Variants in TRHDE observed in about 807,000 individuals in gnomAD.
The protein encoded by TRHDE is thyrotropin-releasing hormone-degrading ectoenzyme.
A neutral mutation model predicts 125.7 loss-of-function variants in TRHDE; 72 were observed. The observed-to-expected ratio is 0.57, with a 90% CI of 0.47 to 0.70. TRHDE has a LOEUF of 0.70. TRHDE is among the 30% of genes least tolerant of loss of function. The probability of loss-of-function intolerance (pLI) is 0.00; values close to 1 mark genes in which losing one functional copy is unlikely to be tolerated. For missense variants in TRHDE, 1,110 were observed against 1,327.1 expected, an observed-to-expected ratio of 0.84 and a Z score of 2.54; for synonymous variants, 509 against 509.1, an observed-to-expected ratio of 1.00 and a Z score of 0.00.
intron 6 of TRHDE, among the ~76,000 whole-genome samples, chr12:72,526,306 A>G (rs1383279444): frequency 6.6e-6 from 1 of 152,102 alleles, no homozygotes; most frequent in East Asian, 1.9e-4. Flanking sequence ...ATTTCTTTAC[A>G]CATTTTTCAG....
intron 12 of TRHDE, among the ~76,000 whole-genome samples, chr12:72,604,946 G>A (rs553270176): frequency 1.5e-4 from 23 of 151,944 alleles, no homozygotes; most frequent in African/African-American, 2.9e-4. Flanking sequence ...CTTTTTCTAC[G>A]TTTTATTTGA....
chr12:72,376,496 C>T (rs1231172116), intron 2 of TRHDE, among the ~76,000 whole-genome samples: 1 of 152,110 alleles, frequency 6.6e-6, no homozygotes, highest in Non-Finnish European at 1.5e-5. Flanking sequence ...CTAATACTGC[C>T]AGCCCAAAAT....
chr12:72,624,397 A>G (rs1873174232), intron 15 of TRHDE, among the ~76,000 whole-genome samples: 1 of 151,992 alleles, frequency 6.6e-6, no homozygotes, highest in Non-Finnish European at 1.5e-5. Flanking sequence ...TATTTATGAA[A>G]TGTCTTGGGA....
rs559975810 is a variant in TRHDE, at chr12:72,447,289, G to A, written c.1316-22469G>A. On this transcript the variant is annotated intron_variant, in intron 3 of 18. Coordinates refer to ENST00000261180, the MANE Select transcript of TRHDE (RefSeq NM_013381.3). Reference sequence around the variant, plus strand: ...CTACTGGGTACATAACGAAATGAAGGCAGAAATAAAGATGTTCTTGGAAAC... The same window carrying A: ...CTACTGGGTACATAACGAAATGAAGACAGAAATAAAGATGTTCTTGGAAAC... Among the ~76,000 whole-genome samples, 56 of 152,216 alleles carry A rather than the reference G, an allele frequency of 3.7e-4. 1 individual carries two copies. Among genetic ancestry groups the A allele is most frequent in the Admixed American group, 1.6e-3 (24 of 15,274 alleles).
In TRHDE at chr12:72,272,589, T is replaced by A; in HGVS notation, c.-55T>A. The stretch of plus-strand genomic sequence containing the variant: ...ATGCCTGCTCTGGCTGTGGCCCGGG[T>A]GGCCCGCCCGCGGGGGGTGCCAGAG... On this transcript the variant is annotated 5_prime_UTR_variant, in exon 1 of 19. Transcript: ENST00000261180. The surrounding 1 kb of genome is among the most constrained non-coding windows in gnomAD (Gnocchi z 6.7). The A allele has an allele frequency of 1.5e-6, 1 of 682,942 alleles. No individual in the cohort carries two copies. The highest frequency in any genetic ancestry group is 2.3e-6 in the Non-Finnish European group (1 of 428,128). 42.3% of individuals were successfully genotyped at this position (682,942 alleles called of 1,614,324 possible).
chr12:72,233,449 C>T (rs548601364), intron 2 of TRHDE, among the ~76,000 whole-genome samples: 2 of 152,148 alleles, frequency 1.3e-5, no homozygotes, highest in African/African-American at 2.4e-5. Flanking sequence ...ATGGCTAGAG[C>T]GCTGGGGCAC....
intron 2 of TRHDE, among the ~76,000 whole-genome samples, chr12:72,359,027 C>G (rs1870946338): frequency 6.6e-6 from 1 of 151,584 alleles, no homozygotes; most frequent in African/African-American, 2.4e-5. Context: ...GTTTCACTCA[C>G]TCTTTAGGAA....
intron 2 of TRHDE, among the ~76,000 whole-genome samples, chr12:72,110,301 A>T (rs753178403): frequency 2.6e-5 from 4 of 152,128 alleles, no homozygotes; most frequent in Non-Finnish European, 5.9e-5. Flanking sequence ...TCCTGTGGGC[A>T]TTTCATTCCT....
intron 1 of TRHDE, among the ~76,000 whole-genome samples, chr12:72,282,820 T>C (rs1236002111): frequency 1.3e-5 from 2 of 152,364 alleles, no homozygotes; most frequent in East Asian, 3.9e-4. Context: ...TTTAAGCTAA[T>C]GGTTTTCAAC....
intron 2 of TRHDE, among the ~76,000 whole-genome samples, chr12:72,119,655 A>G (rs1376041410): frequency 6.6e-6 from 1 of 152,160 alleles, no homozygotes; most frequent in Non-Finnish European, 1.5e-5. Context: ...CTATTATTGT[A>G]TTGGGGTCTA....
chr12:72,538,806 A>G lies in TRHDE; in HGVS notation c.1723-3485A>G, dbSNP rs140568962. ...CTTAAACCTATCTCTGATTTTTATCATTGTTATCATTTGTTTCTGGTTACT... is the reference window on the plus strand; with the variant it reads ...CTTAAACCTATCTCTGATTTTTATCGTTGTTATCATTTGTTTCTGGTTACT... On this transcript the variant is annotated intron_variant, in intron 6 of 18. Transcript: ENST00000261180. Among the ~76,000 whole-genome samples the G allele has an allele frequency of 9.2e-5, 14 of 152,090 alleles. No individual in the cohort carries two copies. In the East Asian group the frequency reaches 2.3e-3, roughly 25 times the overall value.
intron 2 of TRHDE, among the ~76,000 whole-genome samples, chr12:72,198,084 G>C (rs764671136): frequency 6.6e-6 from 1 of 151,494 alleles, no homozygotes; most frequent in South Asian, 2.1e-4. Context: ...TTTGTGTCTG[G>C]CTTCTTTCAC....
At chr12:72,537,683 T>C (rs1868936751) in intron 6 of TRHDE, among the ~76,000 whole-genome samples, 1 of 152,044 alleles carries the variant, frequency 6.6e-6, no homozygotes, top group African/African-American at 2.4e-5. Flanking sequence ...TTTCAATGGG[T>C]TACTTCAAAC....
chr12:72,174,502 T>A (rs117095222), intron 2 of TRHDE, among the ~76,000 whole-genome samples: 1 of 152,204 alleles, frequency 6.6e-6, no homozygotes, highest in South Asian at 2.1e-4. Context: ...TTCTTCCCAA[T>A]TCATGTTCCA....
At chr12:72,470,768 C>T (rs796792407) in intron 4 of TRHDE, among the ~76,000 whole-genome samples, 12 of 148,504 alleles carry the variant, frequency 8.1e-5, no homozygotes, top group African/African-American at 3.0e-4. Context: ...AAAATGCCGT[C>T]AGTGAAAGAA....
At chr12:72,237,330 A>T (rs1878354906) in intron 2 of TRHDE, among the ~76,000 whole-genome samples, 1 of 152,194 alleles carries the variant, frequency 6.6e-6, no homozygotes. Flanking sequence ...AAGCAAAGTA[A>T]ATTGGCTACT....
chr12:72,524,955 A>C (rs1367595168), intron 6 of TRHDE, among the ~76,000 whole-genome samples: 1 of 152,188 alleles, frequency 6.6e-6, no homozygotes, highest in African/African-American at 2.4e-5. Flanking sequence ...TTTCATGTGG[A>C]AAGTATGCCT....
At chr12:72,566,710 A>T (rs1246609097) in intron 9 of TRHDE, among the ~76,000 whole-genome samples, 2 of 151,930 alleles carry the variant, frequency 1.3e-5, no homozygotes, top group African/African-American at 2.4e-5. Flanking sequence ...AAATGTCCTC[A>T]ATTTTCTATA....
chr12:72,184,878 C>CA (rs1877169327), intron 2 of TRHDE, among the ~76,000 whole-genome samples: 2 of 152,200 alleles, frequency 1.3e-5, no homozygotes, highest in African/African-American at 4.8e-5. Context: ...AGCGTGCTGG[C>CA]AGTCCTCAGA....
Sources: gnomAD v4.1 joint callset for allele counts (sites outside exome capture counted in the v4.1 genomes callset) on GRCh38, gnomAD v4.1.1 for gene constraint, Gnocchi (gnomAD v3.1) non-coding constraint, MANE v1.5 for transcripts, NCBI Gene and HGNC (gene_info 2026-07-23, HGNC 2026-07-21) for gene names.